Variants in AKAP9 observed in about 807,000 individuals in gnomAD.
AKAP9 encodes the protein A-kinase anchor protein 9.
In AKAP9, 311 loss-of-function variants were observed where a neutral mutation model predicts 488.5. The ratio of observed to expected loss-of-function variants is 0.64; its 90% CI spans 0.58 to 0.70. AKAP9 has a LOEUF of 0.70. Among genes scored for constraint, AKAP9 ranks in the 30% least tolerant of loss-of-function variants. The pLI, the probability that AKAP9 is intolerant of heterozygous loss-of-function variation, is 0.00. For missense variants in AKAP9, 4,215 were observed against 4,374.5 expected (o/e 0.96, Z 1.03); for synonymous variants, 1,462 against 1,483.5 (o/e 0.99, Z 0.33).
intron 4 of AKAP9, among the ~76,000 whole-genome samples, chr7:91,992,636 C>G (rs1351976029): frequency 6.9e-6 from 1 of 144,212 alleles, no homozygotes; most frequent in Non-Finnish European, 1.5e-5. Context: ...TGCACTCCAA[C>G]CTGGGTGACA....
Position 92,001,319 on chromosome 7 carries a change from A to G in AKAP9, c.1402A>G (p.Lys468Glu). The G allele has an allele frequency of 6.2e-7, 1 of 1,613,972 alleles. No individual in the cohort carries two copies. ...GATGGAGGAAATGAAAACACGGCATAAGGGAGAAATGGAGAATGCTTTAAG... is the reference window on the plus strand; with the variant it reads ...GATGGAGGAAATGAAAACACGGCATGAGGGAGAAATGGAGAATGCTTTAAG... The part of the protein sequence containing the change: ...AQMEEMKTRH[K>E]GEMENALRSY... Residue 468 changes from lysine to glutamate, a missense_variant, in exon 8 of 50, where the codon AAG becomes GAG. This residue lies in a region of AKAP9 where 2,361 missense variants were observed against 2,430.0 expected (regional missense o/e 0.97). Coordinates refer to ENST00000356239, the MANE Select transcript of AKAP9 (RefSeq NM_005751.5).
In AKAP9 at chr7:92,079,652, A is replaced by G. The variant is rs2130862031; in HGVS notation, c.7519A>G (p.Thr2507Ala). ...LETRLLQLESTVSAKDLELTQ... is the reference protein window; with the variant it reads ...LETRLLQLESAVSAKDLELTQ... ...AACAAGGTTGCTACAACTTGAGAGCACTGTTAGTGCAAAGGACTTAGAACT... is the reference window on the plus strand; with the variant it reads ...AACAAGGTTGCTACAACTTGAGAGCGCTGTTAGTGCAAAGGACTTAGAACT... The change falls in exon 31 of 50, where the codon ACT becomes GCT. Residue 2507 changes from threonine (T) to alanine (A), a missense_variant. Coordinates refer to ENST00000356239, the MANE Select transcript of AKAP9 (RefSeq NM_005751.5). 3 of 1,613,996 alleles carry G rather than the reference A, an allele frequency of 1.9e-6. No individual in the cohort carries two copies. Among genetic ancestry groups the G allele is most frequent in the East Asian group, 2.2e-5 (1 of 44,856 alleles).
At position 92,085,627 on chromosome 7, in the gene AKAP9, A is replaced by G. The variant is rs372172519; in HGVS notation, c.8965A>G (p.Asn2989Asp). Residue 2989 changes from asparagine to aspartate, a missense_variant, in exon 36 of 50, where the codon AAT (asparagine) becomes GAT (aspartate). Asn to Asp is a conservative substitution (Grantham distance 23). Around this residue, in one of 5 missense-constraint regions of AKAP9, gnomAD observed 1,476 missense variants for 1,477.4 expected, o/e 1.00. Coordinates refer to ENST00000356239, the MANE Select transcript of AKAP9 (RefSeq NM_005751.5). Reference protein sequence around the residue: ...PWLEERKAYINTISSLKDLIT... With the variant: ...PWLEERKAYIDTISSLKDLIT... The stretch of plus-strand genomic sequence containing the variant: ...GCTAGAAGAGAGAAAAGCTTACATC[A>G]ATACAATCTCATCTCTAAAGGATTT... The G allele has an allele frequency of 1.1e-5, 17 of 1,613,814 alleles. No individual in the cohort carries two copies. Among genetic ancestry groups the G allele is most frequent in the Non-Finnish European group, 1.4e-5 (17 of 1,179,932 alleles).
At chr7:92,080,556 C>T (rs1813358814) in intron 31 of AKAP9, among the ~76,000 whole-genome samples, 2 of 151,592 alleles carry the variant, frequency 1.3e-5, no homozygotes, top group South Asian at 4.2e-4. Context: ...CAAGATCGCG[C>T]CACTGCACAC....
At chr7:91,982,034 T>C (rs1262331490) in intron 3 of AKAP9, among the ~76,000 whole-genome samples, 1 of 152,242 alleles carries the variant, frequency 6.6e-6, no homozygotes, top group Non-Finnish European at 1.5e-5. Context: ...TTTAATATGC[T>C]AGTGGCTGTA....
rs1319106705 is a variant in AKAP9, at chr7:91,983,028, G to A, written c.351+2695G>A. On this transcript the variant is annotated intron_variant, in intron 3 of 49. Transcript: ENST00000356239. ...CATATCCTTTGCCTGTTTTTTGATG[G>A]GGTTGTTTGCTTTTTTTTTCTTTCT... Among the ~76,000 whole-genome samples the A allele has an allele frequency of 3.3e-5, 5 of 151,688 alleles. No homozygotes were observed. The East Asian group carries it at 7.7e-4, about 23-fold the overall frequency.
At chr7:91,987,632 A>C (rs1167813962) in intron 3 of AKAP9, among the ~76,000 whole-genome samples, 4 of 152,202 alleles carry the variant, frequency 2.6e-5, no homozygotes, top group African/African-American at 9.6e-5. Flanking sequence ...CAAAATTGCT[A>C]AGATGGATAC....
Position 92,102,837 on chromosome 7 carries a change from G to A in AKAP9, c.11330+11G>A. ...CATTGCAATTTCCAGGTAAAGACTTGAAGGAAAATGCATTTTACTAGTAGA... is the reference window on the plus strand; with the variant it reads ...CATTGCAATTTCCAGGTAAAGACTTAAAGGAAAATGCATTTTACTAGTAGA... On this transcript the variant is annotated intron_variant, in intron 46 of 49. Coordinates refer to ENST00000356239, the MANE Select transcript of AKAP9 (RefSeq NM_005751.5). 2.5e-6 allele frequency: 4 copies of A among 1,606,146 alleles called. No homozygotes were observed. The highest frequency in any genetic ancestry group is 3.4e-6 in the Non-Finnish European group (4 of 1,173,190).
intron 16 of AKAP9, among the ~76,000 whole-genome samples, chr7:92,034,696 A>G (rs1235548187): frequency 6.7e-6 from 1 of 149,274 alleles, no homozygotes; most frequent in Non-Finnish European, 1.5e-5. Flanking sequence ...TTTAGTAGAG[A>G]TGGGGTTTCA....
intron 48 of AKAP9, among the ~76,000 whole-genome samples, chr7:92,108,097 T>C (rs1166044029): frequency 6.6e-6 from 1 of 152,146 alleles, no homozygotes; most frequent in Non-Finnish European, 1.5e-5. Context: ...TTTAAATTTG[T>C]AACTGATTTC....
intron 28 of AKAP9, among the ~76,000 whole-genome samples, chr7:92,073,203 A>T (rs1482742211): frequency 6.6e-6 from 1 of 152,080 alleles, no homozygotes; most frequent in Admixed American, 6.6e-5. Context: ...ACACTTTTTA[A>T]AAAAGGAAAC....
Position 92,003,072 on chromosome 7 carries a change from A to G in AKAP9, c.3155A>G (p.Asp1052Gly), listed in dbSNP as rs779035246. ...FGEESKIMVE[D>G]KVSFENMTVG... The stretch of plus-strand genomic sequence containing the variant: ...GAAGAATCAAAAATAATGGTGGAAG[A>G]TAAAGTTTCTTTTGAAAATATGACT... Residue 1052 changes from aspartate (D) to glycine (G), a missense_variant, in exon 8 of 50, where the codon GAT (aspartate) becomes GGT (glycine). Physicochemically the swap from Asp to Gly is moderately conservative, Grantham distance 94 (BLOSUM62 -1). Around this residue, in one of 5 missense-constraint regions of AKAP9, gnomAD observed 2,361 missense variants for 2,430.0 expected, o/e 0.97. Coordinates refer to ENST00000356239, the MANE Select transcript of AKAP9 (RefSeq NM_005751.5). The G allele has an allele frequency of 6.2e-7, 1 of 1,613,022 alleles. No homozygotes were observed. The highest frequency in any genetic ancestry group is 1.1e-5 in the South Asian group (1 of 90,844).
At chr7:91,972,561 T>G (rs970274817) in intron 1 of AKAP9, among the ~76,000 whole-genome samples, 6 of 152,236 alleles carry the variant, frequency 3.9e-5, no homozygotes, top group African/African-American at 1.4e-4. Flanking sequence ...CTCCATGGTC[T>G]TGAATACTGT....
At chr7:91,987,288 G>A (rs571471106) in intron 3 of AKAP9, among the ~76,000 whole-genome samples, 5 of 152,108 alleles carry the variant, frequency 3.3e-5, no homozygotes, top group Admixed American at 6.5e-5. Context: ...ACATGGTGGC[G>A]TATGCCTGTA....
At chr7:92,036,647 TTCTTC>T (rs1290451079) in intron 16 of AKAP9, among the ~76,000 whole-genome samples, 1 of 152,320 alleles carries the variant, frequency 6.6e-6, no homozygotes, top group East Asian at 1.9e-4. Flanking sequence ...CATATCTCTG[TTCTTC>T]TCTTTCATAT....
At position 91,994,671 on chromosome 7, in the gene AKAP9, G is replaced by T. The variant is rs774087605; in HGVS notation, c.627G>T (p.Gln209His). 1.9e-6 allele frequency: 3 copies of T among 1,613,342 alleles called. No individual in the cohort carries two copies. The highest frequency in any genetic ancestry group is 2.5e-6 in the Non-Finnish European group (3 of 1,179,634). The change falls in exon 6 of 50, where the codon CAG (glutamine) becomes CAT (histidine). Residue 209 changes from glutamine to histidine, a missense_variant. Coordinates refer to ENST00000356239, the MANE Select transcript of AKAP9 (RefSeq NM_005751.5). ...AACAAAGAGATGGCATTATAACCCAGCTCACTGCTAATTTACAACAAGCAA... is the reference window on the plus strand; with the variant it reads ...AACAAAGAGATGGCATTATAACCCATCTCACTGCTAATTTACAACAAGCAA... ...AIKQRDGIITQLTANLQQARR... is the reference protein window; with the variant it reads ...AIKQRDGIITHLTANLQQARR...
intron 7 of AKAP9, 151 bp from the exon 8 acceptor site, chr7:92,000,697 T>C (rs542805284): frequency 2.0e-6 from 1 of 490,348 alleles, no homozygotes; most frequent in East Asian, 3.5e-5. Context: ...GTCATTATTG[T>C]GGAAAAAATT....
At chr7:92,072,120 A>G (rs1811829309) in intron 28 of AKAP9, among the ~76,000 whole-genome samples, 1 of 152,186 alleles carries the variant, frequency 6.6e-6, no homozygotes, top group African/African-American at 2.4e-5. Context: ...GACCCAAAGC[A>G]ATGATAGTTG....
chr7:92,086,456 T>TTTCCTTATTTCTATTA, intron 37 of AKAP9, 40 bp downstream of exon 37: 2 of 1,493,346 alleles, frequency 1.3e-6, no homozygotes, highest in Non-Finnish European at 1.9e-6. Context: ...TTAATAGAAA[T>TTTCCTTATTTCTATTA]AAGGAAATGA....
Sources: allele counts gnomAD v4.1 joint callset (sites outside exome capture counted in the v4.1 genomes callset), GRCh38; gene constraint gnomAD v4.1.1; regional missense constraint gnomAD v4.1.1; transcripts MANE v1.5; gene names NCBI Gene and HGNC (gene_info 2026-07-23, HGNC 2026-07-21).